The following LRP1B variants were observed in gnomAD, a reference collection of about 807,000 sequenced individuals.
The protein encoded by LRP1B is low-density lipoprotein receptor-related protein 1B.
In LRP1B, 217 loss-of-function variants were observed where a neutral mutation model predicts 556.6. The observed-to-expected ratio is 0.39, with a 90% CI of 0.35 to 0.44. The LOEUF (loss-of-function observed/expected upper bound fraction) is 0.44, where lower values mean the gene tolerates loss of function less well. Among genes scored for constraint, LRP1B ranks in the 20% least tolerant of loss-of-function variants. LRP1B has a pLI of 1.00. For synonymous variants in LRP1B, 2,047 were observed against 1,865.8 expected (o/e 1.10, Z -2.50); for missense variants, 5,053 against 5,620.8 (o/e 0.90, Z 3.23).
rs1689221807 is a variant in LRP1B at position 141,371,254 on chromosome 2, AACATGTT to A, written c.343+109135_343+109141del. ...TATATGTGTCTATTTTTATACCAGT[AACATGTT>A]CTTTCAGTTACTATGGCATTTTAGT... On this transcript the variant is annotated intron_variant, in intron 3 of 90. Transcript: ENST00000389484. Among the ~76,000 whole-genome samples the A allele has an allele frequency of 2.0e-5, 3 of 152,198 alleles. No homozygotes were observed. The South Asian group carries it at 6.2e-4, about 31-fold the overall frequency.
At chr2:140,674,371 C>T (rs1366010083) in intron 41 of LRP1B, among the ~76,000 whole-genome samples, 1 of 152,178 alleles carries the variant, frequency 6.6e-6, no homozygotes, top group Non-Finnish European at 1.5e-5. Context: ...TTTTAAAGGT[C>T]TGAATAGGAC....
chr2:141,947,804 T>C (rs1257091582), intron 1 of LRP1B, among the ~76,000 whole-genome samples: 2 of 91,232 alleles, frequency 2.2e-5, no homozygotes, highest in South Asian at 4.4e-4. Context: ...AAAAATTTTT[T>C]TTTAAATATC....
intron 35 of LRP1B, among the ~76,000 whole-genome samples, chr2:140,724,447 T>C (rs1687518519): frequency 6.6e-6 from 1 of 152,232 alleles, no homozygotes; most frequent in African/African-American, 2.4e-5. Flanking sequence ...ATCTAATTTA[T>C]TTACTTCCAT....
chr2:140,495,217 ATAT>A (rs935877243), intron 56 of LRP1B, among the ~76,000 whole-genome samples: 7 of 152,202 alleles, frequency 4.6e-5, no homozygotes, highest in Non-Finnish European at 8.8e-5. Context: ...AGAATGAAAA[ATAT>A]TATAATAATG....
intron 3 of LRP1B, among the ~76,000 whole-genome samples, chr2:141,362,844 T>G (rs1688881351): frequency 6.6e-6 from 1 of 151,806 alleles, no homozygotes; most frequent in Non-Finnish European, 1.5e-5. Context: ...CTTAACGTAA[T>G]GATGTGTTTC....
intron 5 of LRP1B, among the ~76,000 whole-genome samples, chr2:141,230,031 T>C (rs1412677986): frequency 1.3e-5 from 2 of 152,186 alleles, no homozygotes; most frequent in Non-Finnish European, 2.9e-5. Flanking sequence ...GAAAACAAGA[T>C]TCTAGGTATA....
chr2:142,084,944 T>C (rs1025121398), intron 1 of LRP1B, among the ~76,000 whole-genome samples: 16 of 152,332 alleles, frequency 1.1e-4, no homozygotes, highest in Admixed American at 1.0e-3. Context: ...AGAGTGCATA[T>C]CTGACCTTTT....
rs148320025 is a variant in LRP1B at position 141,902,903 on chromosome 2, G to A, written c.83-92502C>T. ...TTTAATGGAAGCATATTTTGTCATTGACATTGCTTATAATTGCTAGCATAG... is the reference window on the plus strand; with the variant it reads ...TTTAATGGAAGCATATTTTGTCATTAACATTGCTTATAATTGCTAGCATAG... On this transcript the variant is annotated intron_variant, in intron 1 of 90. Transcript: ENST00000389484. 9.4e-4 allele frequency among the ~76,000 whole-genome samples: 143 copies of A among 152,046 alleles called. 1 individual carries two copies. In the East Asian group the frequency reaches 0.02, roughly 21 times the overall value.
chr2:140,237,504 CAAA>C (rs1680760719), intron 89 of LRP1B, among the ~76,000 whole-genome samples: 1 of 150,652 alleles, frequency 6.6e-6, no homozygotes. Context: ...TCAATTAAAA[CAAA>C]AAACATTAAA....
intron 87 of LRP1B, among the ~76,000 whole-genome samples, chr2:140,246,491 A>T (rs966205240): frequency 2.0e-5 from 3 of 150,812 alleles, no homozygotes; most frequent in Non-Finnish European, 3.0e-5. Context: ...CACAACGATG[A>T]TATAGACACA....
At chr2:142,129,904 C>A (rs1707788260) in intron 1 of LRP1B, among the ~76,000 whole-genome samples, 2 of 152,084 alleles carry the variant, frequency 1.3e-5, no homozygotes, top group African/African-American at 4.8e-5. Flanking sequence ...CTCCTCTGCT[C>A]CCCATATCCA....
intron 41 of LRP1B, among the ~76,000 whole-genome samples, chr2:140,646,690 C>A (rs1365439617): frequency 6.6e-6 from 1 of 151,984 alleles, no homozygotes; most frequent in Non-Finnish European, 1.5e-5. Flanking sequence ...GCAACTATTT[C>A]TCTTTGAGTA....
intron 2 of LRP1B, among the ~76,000 whole-genome samples, chr2:141,498,195 C>G (rs545970948): frequency 6.6e-6 from 1 of 151,866 alleles, no homozygotes; most frequent in Non-Finnish European, 1.5e-5. Flanking sequence ...CTGAAAAGGA[C>G]TAGTGGAGTA....
At chr2:140,959,483 A>G (rs999898277) in intron 18 of LRP1B, among the ~76,000 whole-genome samples, 4 of 151,700 alleles carry the variant, frequency 2.6e-5, no homozygotes, top group African/African-American at 9.7e-5. Flanking sequence ...ATTACTACTA[A>G]AATGAATGTA....
intron 2 of LRP1B, among the ~76,000 whole-genome samples, chr2:141,595,125 A>T (rs1043719388): frequency 6.6e-6 from 1 of 152,154 alleles, no homozygotes; most frequent in African/African-American, 2.4e-5. Flanking sequence ...TATTAATTTG[A>T]TTAAATTTTA....
intron 35 of LRP1B, among the ~76,000 whole-genome samples, chr2:140,764,525 G>T (rs530693734): frequency 1.3e-5 from 2 of 152,194 alleles, no homozygotes; most frequent in Admixed American, 6.5e-5. Context: ...TATGAATGTC[G>T]TGGGACTAAT....
chr2:141,377,599 T>C (rs1239669500), intron 3 of LRP1B, among the ~76,000 whole-genome samples: 2 of 152,108 alleles, frequency 1.3e-5, no homozygotes, highest in East Asian at 3.8e-4. Context: ...ATATGCAACA[T>C]ATAGAAAAAT....
intron 11 of LRP1B, among the ~76,000 whole-genome samples, chr2:141,041,363 A>G (rs928404300): frequency 1.3e-5 from 2 of 152,098 alleles, no homozygotes; most frequent in African/African-American, 4.8e-5. Context: ...TCACCGGGCT[A>G]AAGTCTAGGT....
intron 43 of LRP1B, among the ~76,000 whole-genome samples, chr2:140,592,043 CTT>C (rs1682248438): frequency 6.6e-6 from 1 of 152,176 alleles, no homozygotes; most frequent in South Asian, 2.1e-4. Flanking sequence ...TATCTGACCA[CTT>C]TCTCATGTTT....
Sources: allele counts gnomAD v4.1 joint callset (sites outside exome capture counted in the v4.1 genomes callset), GRCh38; gene constraint gnomAD v4.1.1; transcripts MANE v1.5; gene names NCBI Gene and HGNC (gene_info 2026-07-23, HGNC 2026-07-21).